The following SUV39H2 variants were observed in gnomAD, a reference collection of about 807,000 sequenced individuals.
The protein encoded by SUV39H2 is SUV39H2 histone lysine methyltransferase, also known as histone-lysine N-methyltransferase SUV39H2.
In SUV39H2, 10 loss-of-function variants were observed where a neutral mutation model predicts 47.5. The ratio of observed to expected loss-of-function variants is 0.21; its 90% CI spans 0.13 to 0.36. The LOEUF is 0.36. Among genes scored for constraint, SUV39H2 ranks in the 10% least tolerant of loss-of-function variants. SUV39H2 has a pLI of 1.00. For missense variants in SUV39H2, 266 were observed against 487.4 expected (o/e 0.55, Z 4.28); for synonymous variants, 159 against 166.8 (o/e 0.95, Z 0.36).
chr10:14,899,524 G>A lies in SUV39H2; in HGVS notation c.850-15G>A, dbSNP rs1183518375. ...TCAGTAGCTACGTAATATACTTACAGTTTTTTCTGTTTAGGTAATCACAAG... is the reference window on the plus strand; with the variant it reads ...TCAGTAGCTACGTAATATACTTACAATTTTTTCTGTTTAGGTAATCACAAG... On this transcript the variant is annotated splice_polypyrimidine_tract_variant and intron_variant, in intron 3 of 5. Transcript: ENST00000354919. 6.2e-7 allele frequency: 1 copy of A among 1,613,024 alleles called. No individual in the cohort carries two copies. The highest frequency in any genetic ancestry group is 1.3e-5 in the African/African-American group (1 of 74,890).
Position 14,883,459 on chromosome 10 carries a change from C to A in SUV39H2, c.177+1814C>A, listed in dbSNP as rs569366999. Among the ~76,000 whole-genome samples, 10 of 151,938 alleles carry A rather than the reference C, an allele frequency of 6.6e-5. No individual in the cohort carries two copies. The East Asian group carries it at 1.8e-3, about 27-fold the overall frequency. ...GTGGCTCACGCCTGTAATCCTAGCA[C>A]TTTGGGGGGCCAAGGCGGGCAGATC... On this transcript the variant is annotated intron_variant, in intron 2 of 5. Coordinates refer to ENST00000354919, the MANE Select transcript of SUV39H2 (RefSeq NM_001193424.2).
At chr10:14,892,884 A>G (rs1166007640) in intron 2 of SUV39H2, among the ~76,000 whole-genome samples, 1 of 147,792 alleles carries the variant, frequency 6.8e-6, no homozygotes, top group Admixed American at 6.8e-5. Context: ...CAGTGGCTTG[A>G]TCTCAGCTCA....
intron 2 of SUV39H2, among the ~76,000 whole-genome samples, chr10:14,882,348 T>C (rs1196045974): frequency 6.6e-6 from 1 of 152,242 alleles, no homozygotes; most frequent in African/African-American, 2.4e-5. Context: ...TTTAAGTCTT[T>C]ATTTTCCTCC....
At chr10:14,889,304 T>C (rs762890425) in intron 2 of SUV39H2, among the ~76,000 whole-genome samples, 20 of 152,188 alleles carry the variant, frequency 1.3e-4, no homozygotes, top group Non-Finnish European at 2.1e-4. Context: ...CATGTAGTTT[T>C]AGAAAATGAA....
chr10:14,889,140 A>G (rs1466450052), intron 2 of SUV39H2, among the ~76,000 whole-genome samples: 3 of 152,128 alleles, frequency 2.0e-5, no homozygotes, highest in Non-Finnish European at 4.4e-5. Context: ...GTAAGAAAGT[A>G]GAGTCAAGTA....
chr10:14,878,982 G>A (rs1832955485), intron 1 of SUV39H2, 63 bp downstream of exon 1: 17 of 1,353,872 alleles, frequency 1.3e-5, no homozygotes, highest in South Asian at 1.9e-5. Flanking sequence ...AGGCCCGGGC[G>A]GCGGGGCCGT....
chr10:14,879,104 G>C, intron 1 of SUV39H2, 185 bp downstream of exon 1: 1 of 1,270,008 alleles, frequency 7.9e-7, no homozygotes, highest in Non-Finnish European at 9.9e-7. Flanking sequence ...CCGCCTCCCT[G>C]CCCGGCCGGC....
At chr10:14,899,130 G>T in intron 3 of SUV39H2, 1 of 674,436 alleles carries the variant, frequency 1.5e-6, no homozygotes, top group South Asian at 1.6e-5. Context: ...GACCAGTGTG[G>T]GCAACATAGT....
chr10:14,887,393 C>T (rs1833247049), intron 2 of SUV39H2, among the ~76,000 whole-genome samples: 1 of 152,110 alleles, frequency 6.6e-6, no homozygotes, highest in African/African-American at 2.4e-5. Context: ...ACCAGGAATA[C>T]AGGAGTAGGA....
intron 2 of SUV39H2, among the ~76,000 whole-genome samples, chr10:14,885,272 C>T (rs1450216729): frequency 6.6e-6 from 1 of 152,190 alleles, no homozygotes; most frequent in African/African-American, 2.4e-5. Flanking sequence ...ACCTATTTTC[C>T]TCCTTCATAC....
chr10:14,892,934 C>G (rs1833436792), intron 2 of SUV39H2, among the ~76,000 whole-genome samples: 3 of 151,600 alleles, frequency 2.0e-5, no homozygotes, highest in Admixed American at 1.3e-4. Context: ...GTTCTCCTGC[C>G]TCAGCCTCCC....
chr10:14,883,964 C>G (rs1314938350), intron 2 of SUV39H2, among the ~76,000 whole-genome samples: 1 of 152,180 alleles, frequency 6.6e-6, no homozygotes, highest in East Asian at 1.9e-4. Flanking sequence ...GCCCCTTTCA[C>G]TCAGCGTGTT....
chr10:14,879,025 T>C (rs1038030660), intron 1 of SUV39H2, 106 bp downstream of exon 1: 1 of 1,314,252 alleles, frequency 7.6e-7, no homozygotes. Context: ...ACGTGGCGGT[T>C]CCCCGCCCGC....
chr10:14,898,166 T>G (rs1336705324), intron 3 of SUV39H2: 1 of 146,046 alleles, frequency 6.8e-6, no homozygotes, highest in Non-Finnish European at 1.5e-5. Flanking sequence ...ATTAATTCAC[T>G]AATCCTCTCC....
At chr10:14,886,744 A>G (rs1418775167) in intron 2 of SUV39H2, among the ~76,000 whole-genome samples, 3 of 152,226 alleles carry the variant, frequency 2.0e-5, no homozygotes, top group African/African-American at 7.2e-5. Flanking sequence ...AAACTCCCTC[A>G]CTATAAAGAA....
chr10:14,894,955 AT>A (rs1833519801), intron 2 of SUV39H2, among the ~76,000 whole-genome samples: 1 of 152,168 alleles, frequency 6.6e-6, no homozygotes, highest in Non-Finnish European at 1.5e-5. Flanking sequence ...AAAAGCAGTT[AT>A]CTCAATTAAC....
At chr10:14,888,005 G>T (rs1833267486) in intron 2 of SUV39H2, among the ~76,000 whole-genome samples, 1 of 152,244 alleles carries the variant, frequency 6.6e-6, no homozygotes, top group Non-Finnish European at 1.5e-5. Flanking sequence ...GAGCAAGTAA[G>T]AGGGAGCATG....
intron 5 of SUV39H2, 37 bp downstream of exon 5, chr10:14,901,299 T>A: frequency 6.2e-7 from 1 of 1,611,822 alleles, no homozygotes; most frequent in Non-Finnish European, 8.5e-7. Flanking sequence ...GGTGTCAGTT[T>A]CAATATGAAG....
At chr10:14,889,124 C>G (rs1833306256) in intron 2 of SUV39H2, among the ~76,000 whole-genome samples, 1 of 151,594 alleles carries the variant, frequency 6.6e-6, no homozygotes, top group Non-Finnish European at 1.5e-5. Context: ...AAAAAATTAA[C>G]CGGAGGTAAG....
Sources: allele counts gnomAD v4.1 joint callset (sites outside exome capture counted in the v4.1 genomes callset), GRCh38; gene constraint gnomAD v4.1.1; transcripts MANE v1.5; gene names NCBI Gene and HGNC (gene_info 2026-07-23, HGNC 2026-07-21).